The following ZNF658 variants were observed in gnomAD, a reference collection of about 807,000 sequenced individuals.
The protein encoded by ZNF658 is zinc finger protein 658.
Under a neutral mutation model 78.0 loss-of-function variants are expected in ZNF658, and 46 were observed. The observed-to-expected ratio is 0.59, with a 90% CI of 0.47 to 0.75. The LOEUF is 0.75. Ranked by LOEUF, ZNF658 falls within the 30% of genes least tolerant of loss-of-function variation. The pLI is 0.00. For synonymous variants in ZNF658, 279 were observed against 408.4 expected, an observed-to-expected ratio of 0.68 and a Z score of 3.82; for missense variants, 785 against 1,189.3, an observed-to-expected ratio of 0.66 and a Z score of 5.00.
At chr9:66,907,893 C>T (rs529609043) in intron 2 of ZNF658, among the ~76,000 whole-genome samples, 1,524 of 151,316 alleles carry the variant, frequency 0.01, 11 homozygotes, top group African/African-American at 0.036. Flanking sequence ...TCTTCCTTAG[C>T]CCCCAGAATT....
downstream of ZNF658, among the ~76,000 whole-genome samples, chr9:66,922,431 C>T (rs77751076): frequency 0.17 from 25,046 of 144,002 alleles, 2,450 homozygotes; most frequent in South Asian, 0.33. Context: ...GCGTCACTCA[C>T]GCTGGGAGCT....
rs937613726 is a variant in ZNF658, at chr9:66,910,475, T to C, written c.238+1741T>C. 2.6e-4 allele frequency among the ~76,000 whole-genome samples: 39 copies of C among 151,522 alleles called. 1 individual carries two copies. The highest frequency in any genetic ancestry group is 5.6e-4 in the Non-Finnish European group (38 of 67,914). ...GATCATATTGATTGTCTAAAAAGGA[T>C]ATCCCTAAATAAGTAACATAGAAAG... is the stretch of plus-strand genomic sequence containing the variant. On this transcript the variant is annotated intron_variant, in intron 4 of 4. Transcript: ENST00000621410.
At chr9:66,923,306 G>A (rs1034860090), downstream of ZNF658, among the ~76,000 whole-genome samples, 9 of 150,774 alleles carry the variant, frequency 6.0e-5, no homozygotes, top group African/African-American at 2.2e-4. Flanking sequence ...ACATTCTCCT[G>A]CCTGCTTTAT....
At chr9:66,906,260 C>T (rs1280478141) in intron 2 of ZNF658, among the ~76,000 whole-genome samples, 2 of 151,576 alleles carry the variant, frequency 1.3e-5, no homozygotes, top group African/African-American at 4.9e-5. Context: ...TCACCCCAAA[C>T]CTTAGGGTCA....
chr9:66,919,357 A>AG lies in ZNF658; in HGVS notation c.1793dup (p.Glu599Ter). The AG allele has an allele frequency of 6.9e-7, 1 of 1,459,420 alleles. No individual in the cohort carries two copies. The highest frequency in any genetic ancestry group is 1.2e-5 in the South Asian group (1 of 85,520). The allele number at this position is 1,459,420 out of a possible 1,614,324, so 90.4% of individuals were successfully genotyped here. On this transcript the variant is annotated frameshift_variant, in exon 5 of 5. Coordinates refer to ENST00000621410, the MANE Select transcript of ZNF658 (RefSeq NM_033160.7). LOFTEE classifies it high-confidence loss of function. ...TGAGAGCACATCAAAGAATTCACAC[A>AG]GGTGAGAAGCCCTATGAATGCAGTG...
chr9:66,920,292 C>G lies in ZNF658; in HGVS notation c.2726C>G (p.Pro909Arg). Residue 909 changes from proline (P) to arginine (R), a missense_variant, in exon 5 of 5, where the codon CCC (proline) becomes CGC (arginine). Pro to Arg is a moderately radical substitution (Grantham distance 103, BLOSUM62 -2). This residue lies in a region of ZNF658 where 85 missense variants were observed against 108.6 expected (regional missense o/e 0.78). Transcript: ENST00000621410. ...AHLRTRSGEK[P>R]YECSECGKTF... ...CTTAGAACTCGCTCAGGGGAGAAAC[C>G]CTATGAATGCAGTGAATGTGGGAAA... The G allele has an allele frequency of 6.2e-7, 1 of 1,613,830 alleles. No homozygotes were observed. The highest frequency in any genetic ancestry group is 2.2e-5 in the East Asian group (1 of 44,864).
chr9:66,927,025 C>T lies in ZNF658; in HGVS notation c.*54+2688C>T, dbSNP rs192273501. Among the ~76,000 whole-genome samples the T allele has an allele frequency of 4.8e-3, 737 of 152,024 alleles. 4 individuals carry two copies. The highest frequency in any genetic ancestry group is 0.037 in the South Asian group (179 of 4,804). On this transcript the variant is annotated intron_variant and NMD_transcript_variant, in intron 6 of 6. Transcript: ENST00000622180. ...CTCCATGCAAGAGTAGAACTGGATC[C>T]TTGTCTTATACCATACACAAAAATT...
rs955966507 is a variant in ZNF658, at chr9:66,918,639, G to A, written c.1073G>A (p.Cys358Tyr). 6.2e-6 allele frequency: 10 copies of A among 1,613,216 alleles called. No individual in the cohort carries two copies. The African/African-American group carries it at 1.3e-4, about 22-fold the overall frequency. Reference sequence around the variant, plus strand: ...GATAAATTTGGTGAACATAATGAATGTACAGATGCCCTCTACCAGAAATTA... The same window carrying A: ...GATAAATTTGGTGAACATAATGAATATACAGATGCCCTCTACCAGAAATTA... ...AGDKFGEHNECTDALYQKLDF... is the reference protein window; with the variant it reads ...AGDKFGEHNEYTDALYQKLDF... The change falls in exon 5 of 5, where the codon TGT becomes TAT. Residue 358 changes from cysteine to tyrosine, a missense_variant. Cys to Tyr is a radical substitution (Grantham distance 194). Transcript: ENST00000621410.
At chr9:66,930,817 C>T (rs1259842159) in intron 6 of ZNF658, among the ~76,000 whole-genome samples, 8 of 150,542 alleles carry the variant, frequency 5.3e-5, no homozygotes, top group African/African-American at 2.0e-4. Flanking sequence ...ACTCTGACTT[C>T]CTGAAACTCT....
intron 6 of ZNF658, among the ~76,000 whole-genome samples, chr9:66,929,015 C>G (rs1380483640): frequency 6.6e-6 from 1 of 151,598 alleles, no homozygotes; most frequent in Non-Finnish European, 1.5e-5. Context: ...GTTAAACCCA[C>G]TCTGTTACTT....
chr9:66,915,508 C>T (rs1192899510), intron 4 of ZNF658, among the ~76,000 whole-genome samples: 1 of 150,806 alleles, frequency 6.6e-6, no homozygotes, highest in Non-Finnish European at 1.5e-5. Context: ...GTCTGTAAAC[C>T]AGAAGAGGTC....
intron 6 of ZNF658, chr9:66,931,938 G>A (rs1297591657): frequency 6.6e-6 from 1 of 151,716 alleles, no homozygotes; most frequent in Non-Finnish European, 1.5e-5. Flanking sequence ...ATGAGGCTAA[G>A]TTGAAGATGT....
intron 4 of ZNF658, among the ~76,000 whole-genome samples, chr9:66,916,242 A>G (rs1822333448): frequency 2.0e-5 from 3 of 152,218 alleles, no homozygotes; most frequent in African/African-American, 7.2e-5. Context: ...TGTATCCACA[A>G]ATTTCTGTAT....
At chr9:66,923,720 A>G (rs1373175146), downstream of ZNF658, among the ~76,000 whole-genome samples, 1 of 151,340 alleles carries the variant, frequency 6.6e-6, no homozygotes, top group Non-Finnish European at 1.5e-5. Flanking sequence ...AATGTTTTTT[A>G]TCAGACTTAA....
intron 4 of ZNF658, among the ~76,000 whole-genome samples, chr9:66,915,182 A>G (rs1407876433): frequency 6.6e-6 from 1 of 152,126 alleles, no homozygotes; most frequent in African/African-American, 2.4e-5. Flanking sequence ...TTAGACATTC[A>G]GTTAACATAT....
rs945682888 is a variant in ZNF658, at chr9:66,918,106, G to A, written c.540G>A (p.Glu180=). The part of the protein sequence containing the change: ...CEKLQLDIKH[E]KAHAEEKSYE... ...AACTGCAGCTTGATATTAAGCATGA[G>A]AAAGCTCATGCTGAAGAGAAATCTT... Residue 180 remains glutamate (E), a synonymous_variant, in exon 5 of 5, where the codon GAG becomes GAA. Coordinates refer to ENST00000621410, the MANE Select transcript of ZNF658 (RefSeq NM_033160.7). The A allele has an allele frequency of 1.4e-5, 22 of 1,591,434 alleles. No homozygotes were observed. The highest frequency in any genetic ancestry group is 1.8e-5 in the Non-Finnish European group (21 of 1,172,902).
Position 66,918,669 on chromosome 9 carries a change from T to G in ZNF658, c.1103T>G (p.Phe368Cys), listed in dbSNP as rs756474706. The change falls in exon 5 of 5, where the codon TTT becomes TGT. Residue 368 changes from phenylalanine to cysteine, a missense_variant. By Grantham distance (205) the Phe-to-Cys change is radical (BLOSUM62 -2). Around this residue, in one of 12 missense-constraint regions of ZNF658, gnomAD observed 393 missense variants for 400.2 expected, o/e 0.98. Transcript: ENST00000621410. ...CTDALYQKLD[F>C]TAHQRIHTED... ...GATGCCCTCTACCAGAAATTAGACT[T>G]TACAGCACATCAGAGAATTCACACA... The G allele has an allele frequency of 6.2e-7, 1 of 1,613,808 alleles. No homozygotes were observed. Among genetic ancestry groups the G allele is most frequent in the Non-Finnish European group, 8.5e-7 (1 of 1,179,836 alleles).
In ZNF658 at chr9:66,918,709, C is replaced by A. The variant is rs1328401013; in HGVS notation, c.1143C>A (p.Tyr381Ter). Residue 381 changes from tyrosine to a stop codon, truncating the protein, a stop_gained, in exon 5 of 5, where the codon TAC becomes TAA. Transcript: ENST00000621410. LOFTEE classifies it high-confidence loss of function. The stretch of plus-strand genomic sequence containing the variant: ...GAATTCACACAGAAGATAAATTCTA[C>A]CTTTCTGATGAACATGGGAAATGCA... ...HQRIHTEDKF[Y>*]LSDEHGKCRK... 1 of 1,613,952 alleles carries A rather than the reference C, an allele frequency of 6.2e-7. No individual in the cohort carries two copies. The highest frequency in any genetic ancestry group is 1.7e-5 in the Admixed American group (1 of 60,002).
rs529513656 is a variant in ZNF658 at position 66,901,776 on chromosome 9, C to A, written c.-45+940C>A. ...CCTGGCCATCATGGCAAAAGCCCATCTCTACAAAAATAAAAAAATTAGCCG... is the reference window on the plus strand; with the variant it reads ...CCTGGCCATCATGGCAAAAGCCCATATCTACAAAAATAAAAAAATTAGCCG... On this transcript the variant is annotated intron_variant, in intron 1 of 4. Coordinates refer to ENST00000621410, the MANE Select transcript of ZNF658 (RefSeq NM_033160.7). Among the ~76,000 whole-genome samples the A allele has an allele frequency of 8.4e-3, 1,275 of 151,476 alleles. 10 individuals are homozygous for A. The highest frequency in any genetic ancestry group is 0.012 in the Non-Finnish European group (836 of 67,612).
Sources: gnomAD v4.1 joint callset for allele counts (sites outside exome capture counted in the v4.1 genomes callset) on GRCh38, gnomAD v4.1.1 for gene constraint, gnomAD v4.1.1 regional missense constraint, MANE v1.5 for transcripts, NCBI Gene and HGNC (gene_info 2026-07-23, HGNC 2026-07-21) for gene names.